The following INPP5A variants were observed in gnomAD, a reference collection of about 807,000 sequenced individuals.
The protein encoded by INPP5A is 43 kDa inositol polyphosphate 5-phophatase.
INPP5A carries 14 observed loss-of-function variants against 65.2 expected under a neutral mutation model. The ratio of observed to expected loss-of-function variants is 0.21; its 90% CI spans 0.14 to 0.34. The LOEUF is 0.34. Ranked by LOEUF, INPP5A falls within the 10% of genes least tolerant of loss-of-function variation. The pLI is 1.00. For synonymous variants in INPP5A, 207 were observed against 208.3 expected, an observed-to-expected ratio of 0.99 and a Z score of 0.05; for missense variants, 431 against 545.6, an observed-to-expected ratio of 0.79 and a Z score of 2.09.
chr10:132,770,771 G>A (rs1156632117), intron 12 of INPP5A, among the ~76,000 whole-genome samples: 2 of 152,218 alleles, frequency 1.3e-5, no homozygotes, highest in Non-Finnish European at 2.9e-5. Context: ...GTCTCCTTCC[G>A]CCAGGGCGTG....
intron 1 of INPP5A, among the ~76,000 whole-genome samples, chr10:132,589,260 G>A (rs2071587517): frequency 3.3e-5 from 5 of 152,224 alleles, no homozygotes; most frequent in Non-Finnish European, 5.9e-5. Flanking sequence ...TTTGACAGGC[G>A]GCACCCACAC....
intron 1 of INPP5A, among the ~76,000 whole-genome samples, chr10:132,566,806 A>G (rs2071280178): frequency 6.6e-6 from 1 of 152,222 alleles, no homozygotes; most frequent in Admixed American, 6.5e-5. Flanking sequence ...TGTGTAATAT[A>G]CTTTCAGAAG....
intron 1 of INPP5A, among the ~76,000 whole-genome samples, chr10:132,559,237 C>A (rs1159299607): frequency 6.6e-6 from 1 of 152,224 alleles, no homozygotes; most frequent in Non-Finnish European, 1.5e-5. Flanking sequence ...CAGCTCCATC[C>A]CCTCTCCCCG....
At chr10:132,711,207 C>T (rs904972790) in intron 8 of INPP5A, among the ~76,000 whole-genome samples, 7 of 152,134 alleles carry the variant, frequency 4.6e-5, no homozygotes, top group Admixed American at 4.6e-4. Flanking sequence ...CCCTGCCCCC[C>T]AGTGCTCCGG....
chr10:132,572,602 T>C (rs527541347), intron 1 of INPP5A, among the ~76,000 whole-genome samples: 61 of 152,232 alleles, frequency 4.0e-4, no homozygotes, highest in African/African-American at 1.4e-3. Flanking sequence ...CTCTTTTTCA[T>C]GTGTCTAGCC....
At chr10:132,630,851 T>G (rs1245466175) in intron 2 of INPP5A, among the ~76,000 whole-genome samples, 1 of 152,118 alleles carries the variant, frequency 6.6e-6, no homozygotes, top group African/African-American at 2.4e-5. Context: ...TGTGGGAGCT[T>G]CGATGGCCCA....
At chr10:132,630,797 C>T (rs1369280356) in intron 2 of INPP5A, among the ~76,000 whole-genome samples, 7 of 128,862 alleles carry the variant, frequency 5.4e-5, no homozygotes, top group East Asian at 2.6e-4. Context: ...GGCCGGGAGG[C>T]GGCGGGGGCG....
At chr10:132,608,693 T>A (rs1402790376) in intron 2 of INPP5A, among the ~76,000 whole-genome samples, 1 of 152,176 alleles carries the variant, frequency 6.6e-6, no homozygotes, top group Non-Finnish European at 1.5e-5. Context: ...CTCCAGGGGC[T>A]GGTGGTGAGG....
chr10:132,632,261 C>A (rs528103812), intron 2 of INPP5A, among the ~76,000 whole-genome samples: 1 of 152,358 alleles, frequency 6.6e-6, no homozygotes, highest in Non-Finnish European at 1.5e-5. Context: ...CAGGCCAGCC[C>A]TGGGGAGCTG....
chr10:132,620,951 C>A (rs1026774866), intron 2 of INPP5A, among the ~76,000 whole-genome samples: 3 of 152,166 alleles, frequency 2.0e-5, no homozygotes, highest in African/African-American at 7.2e-5. Flanking sequence ...TCAAGGGATG[C>A]AAGCCTGGTT....
At position 132,741,893 on chromosome 10, in the gene INPP5A, G is replaced by A. The variant is rs1846279652; in HGVS notation, c.733-7624G>A. Among the ~76,000 whole-genome samples the A allele has an allele frequency of 6.6e-6, 1 of 152,166 alleles. No individual in the cohort carries two copies. Among genetic ancestry groups the A allele is most frequent in the South Asian group, 2.1e-4 (1 of 4,830 alleles). ...GCAGCTGGCTGCAGCACCCACGAATGGCTTCTTTCCGAGATGTGGCCGTCC... is the reference window on the plus strand; with the variant it reads ...GCAGCTGGCTGCAGCACCCACGAATAGCTTCTTTCCGAGATGTGGCCGTCC... On this transcript the variant is annotated intron_variant, in intron 9 of 15. Transcript: ENST00000368594. This position sits in a 1 kb window ranked among gnomAD's most constrained non-coding sequence, Gnocchi z 4.4.
intron 2 of INPP5A, among the ~76,000 whole-genome samples, chr10:132,619,561 G>T (rs564633584): frequency 6.6e-6 from 1 of 152,294 alleles, no homozygotes; most frequent in East Asian, 1.9e-4. Context: ...CCACTATGCA[G>T]TGCACTGCTG....
chr10:132,550,784 C>T lies in INPP5A; in HGVS notation c.75+12613C>T, dbSNP rs1415147005. 1.3e-5 allele frequency among the ~76,000 whole-genome samples: 2 copies of T among 152,214 alleles called. No individual in the cohort carries two copies. The highest frequency in any genetic ancestry group is 4.8e-5 in the African/African-American group (2 of 41,450). ...CCGCCAGAGTGTGAGGGGCCATGGTCGCTGACCTCGCCTCCTGTTGTCTTA... is the reference window on the plus strand; with the variant it reads ...CCGCCAGAGTGTGAGGGGCCATGGTTGCTGACCTCGCCTCCTGTTGTCTTA... On this transcript the variant is annotated intron_variant, in intron 1 of 15. Coordinates refer to ENST00000368594, the MANE Select transcript of INPP5A (RefSeq NM_005539.5). The surrounding 1 kb of genome is among the most constrained non-coding windows in gnomAD (Gnocchi z 4.2).
chr10:132,773,112 G>A (rs999070112), intron 12 of INPP5A, among the ~76,000 whole-genome samples: 1 of 152,268 alleles, frequency 6.6e-6, no homozygotes, highest in Admixed American at 6.5e-5. Flanking sequence ...CCGGCGCAGG[G>A]TGCGGTGGGC....
chr10:132,716,208 G>A (rs1373335034), intron 8 of INPP5A, among the ~76,000 whole-genome samples: 1 of 152,212 alleles, frequency 6.6e-6, no homozygotes, highest in African/African-American at 2.4e-5. Context: ...AACCATGTGG[G>A]CCCGCAGGTG....
intron 8 of INPP5A, among the ~76,000 whole-genome samples, chr10:132,712,568 G>A (rs923798045): frequency 6.6e-6 from 1 of 151,926 alleles, no homozygotes; most frequent in African/African-American, 2.4e-5. Flanking sequence ...GTGCACTTGT[G>A]TGGCTGCATG....
chr10:132,645,770 G>A, intron 2 of INPP5A, 98 bp from the exon 3 acceptor site: 4 of 899,066 alleles, frequency 4.4e-6, no homozygotes, highest in Non-Finnish European at 3.5e-6. Flanking sequence ...GCCAGACCCT[G>A]GTGGCTCCCA....
chr10:132,720,698 TAGAC>T (rs937562079), intron 8 of INPP5A, among the ~76,000 whole-genome samples: 11 of 146,508 alleles, frequency 7.5e-5, no homozygotes, highest in East Asian at 4.2e-4. Flanking sequence ...GGGGGCACCT[TAGAC>T]AGCTGTCTTC....
In INPP5A at chr10:132,782,133, A is replaced by C. The variant is rs1361577633; in HGVS notation, c.*104A>C. 1 of 1,524,434 alleles carries C rather than the reference A, an allele frequency of 6.6e-7. No homozygotes were observed. The highest frequency in any genetic ancestry group is 8.9e-7 in the Non-Finnish European group (1 of 1,129,790). The allele number at this position is 1,524,434 out of a possible 1,614,324, so 94.4% of individuals were successfully genotyped here. On this transcript the variant is annotated 3_prime_UTR_variant, in exon 16 of 16. Coordinates refer to ENST00000368594, the MANE Select transcript of INPP5A (RefSeq NM_005539.5). The surrounding 1 kb of genome is among the most constrained non-coding windows in gnomAD (Gnocchi z 4.4). Reference sequence around the variant, plus strand: ...TGAAAGCTGCATCGAGAACCCGCCCAAGCGCCACCTGCTAGACGGCCAGCC... The same window carrying C: ...TGAAAGCTGCATCGAGAACCCGCCCCAGCGCCACCTGCTAGACGGCCAGCC...
Sources: allele counts gnomAD v4.1 joint callset (sites outside exome capture counted in the v4.1 genomes callset), GRCh38; gene constraint gnomAD v4.1.1; non-coding constraint Gnocchi (gnomAD v3.1); transcripts MANE v1.5; gene names NCBI Gene and HGNC (gene_info 2026-07-23, HGNC 2026-07-21).